KCNJ3: variants seen among roughly 807,000 people sequenced by gnomAD.
KCNJ3 encodes the protein potassium inwardly rectifying channel subfamily J member 3.
In KCNJ3, 4 loss-of-function variants were observed where a neutral mutation model predicts 39.2. That is an observed-to-expected ratio of 0.10 (90% CI 0.05 to 0.23). The LOEUF is 0.23. KCNJ3 is among the 10% of genes least tolerant of loss of function. KCNJ3 has a pLI of 1.00. For missense variants in KCNJ3, 276 were observed against 634.9 expected (o/e 0.43, Z 6.08); for synonymous variants, 230 against 237.4 (o/e 0.97, Z 0.29).
chr2:154,764,325 A>G (rs1686096343), intron 2 of KCNJ3, among the ~76,000 whole-genome samples: 1 of 152,176 alleles, frequency 6.6e-6, no homozygotes, highest in Non-Finnish European at 1.5e-5. Context: ...AGCCTTCAGA[A>G]TCTCATGGCT....
intron 2 of KCNJ3, among the ~76,000 whole-genome samples, chr2:154,726,951 T>C (rs1358651410): frequency 6.6e-6 from 1 of 151,746 alleles, no homozygotes; most frequent in African/African-American, 2.4e-5. Context: ...TTTTACTTAT[T>C]GGGAGCTAAG....
At chr2:154,789,945 T>G (rs1220590942) in intron 2 of KCNJ3, among the ~76,000 whole-genome samples, 1 of 152,070 alleles carries the variant, frequency 6.6e-6, no homozygotes, top group Non-Finnish European at 1.5e-5. Context: ...AATAGGAATA[T>G]GATGTATAAT....
chr2:154,823,298 A>T (rs1473838156), intron 2 of KCNJ3, among the ~76,000 whole-genome samples: 1 of 152,046 alleles, frequency 6.6e-6, no homozygotes, highest in Non-Finnish European at 1.5e-5. Context: ...TGATGTTTTG[A>T]TAGAGAATTA....
rs367827499 is a variant in KCNJ3, at chr2:154,790,307, TA to T, written c.920-64417del. Among the ~76,000 whole-genome samples the T allele has an allele frequency of 1.7e-3, 261 of 152,218 alleles. 1 individual carries two copies. The highest frequency in any genetic ancestry group is 6.0e-3 in the African/African-American group (250 of 41,572). ...ACTTTAGTAATCCGACGCTAGAAAC[TA>T]AATGACTAGGGAAGCAGAGCAGCAG... On this transcript the variant is annotated intron_variant, in intron 2 of 2. Transcript: ENST00000295101.
At chr2:154,786,020 G>T (rs1478077171) in intron 2 of KCNJ3, among the ~76,000 whole-genome samples, 1 of 152,146 alleles carries the variant, frequency 6.6e-6, no homozygotes, top group Non-Finnish European at 1.5e-5. Context: ...TAATGTTAAG[G>T]TGTCAATGTT....
intron 2 of KCNJ3, among the ~76,000 whole-genome samples, chr2:154,794,125 A>G (rs936512493): frequency 6.6e-6 from 1 of 151,926 alleles, no homozygotes; most frequent in East Asian, 1.9e-4. Flanking sequence ...AATATATTCT[A>G]TAATTTTATG....
chr2:154,813,217 G>A (rs1687031082), intron 2 of KCNJ3, among the ~76,000 whole-genome samples: 1 of 152,124 alleles, frequency 6.6e-6, no homozygotes, highest in Non-Finnish European at 1.5e-5. Context: ...CTAGCTTGCA[G>A]TTGTGCTTCA....
intron 2 of KCNJ3, among the ~76,000 whole-genome samples, chr2:154,784,370 A>G (rs1686491556): frequency 6.6e-6 from 1 of 152,154 alleles, no homozygotes; most frequent in African/African-American, 2.4e-5. Context: ...AGAATGAAGG[A>G]CAGCCTATTT....
chr2:154,831,762 G>T (rs1247185539), intron 2 of KCNJ3, among the ~76,000 whole-genome samples: 1 of 152,196 alleles, frequency 6.6e-6, no homozygotes, highest in Non-Finnish European at 1.5e-5. Flanking sequence ...ACATTGCTTT[G>T]ATTACATGTT....
chr2:154,757,450 G>A (rs373707124), intron 2 of KCNJ3, among the ~76,000 whole-genome samples: 1 of 151,944 alleles, frequency 6.6e-6, no homozygotes, highest in Non-Finnish European at 1.5e-5. Context: ...AATTAATTCT[G>A]TGCCCTTTTC....
At chr2:154,757,132 T>C (rs949604281) in intron 2 of KCNJ3, among the ~76,000 whole-genome samples, 3 of 152,142 alleles carry the variant, frequency 2.0e-5, no homozygotes, top group African/African-American at 4.8e-5. Flanking sequence ...GAACAGGACA[T>C]ATATGAGTAG....
chr2:154,785,473 C>T (rs900880002), intron 2 of KCNJ3, among the ~76,000 whole-genome samples: 8 of 152,076 alleles, frequency 5.3e-5, no homozygotes, highest in Non-Finnish European at 1.2e-4. Flanking sequence ...AGAGGTGGGG[C>T]CTTTAAGAGA....
intron 2 of KCNJ3, among the ~76,000 whole-genome samples, chr2:154,828,507 G>A (rs995682457): frequency 3.3e-5 from 5 of 152,162 alleles, no homozygotes; most frequent in Non-Finnish European, 7.4e-5. Flanking sequence ...GTGCTTTGTC[G>A]AGACTGGTCA....
At chr2:154,703,390 C>T (rs991658869) in intron 1 of KCNJ3, among the ~76,000 whole-genome samples, 12 of 151,992 alleles carry the variant, frequency 7.9e-5, no homozygotes, top group Non-Finnish European at 1.6e-4. Flanking sequence ...TTAACTTTCA[C>T]TTGTCAAAAG....
chr2:154,713,609 T>C (rs2105154557), intron 2 of KCNJ3, among the ~76,000 whole-genome samples: 1 of 152,332 alleles, frequency 6.6e-6, no homozygotes, highest in South Asian at 2.1e-4. Context: ...AGACACAGGT[T>C]TGTTGCCCTC....
intron 1 of KCNJ3, among the ~76,000 whole-genome samples, chr2:154,708,120 T>C (rs1322981883): frequency 6.6e-6 from 1 of 150,786 alleles, no homozygotes; most frequent in Non-Finnish European, 1.5e-5. Context: ...TTCATAGCCT[T>C]CTTTTTTCAG....
chr2:154,722,396 G>A (rs11687088), intron 2 of KCNJ3, among the ~76,000 whole-genome samples: 3,188 of 152,220 alleles, frequency 0.021, 44 homozygotes, highest in Non-Finnish European at 0.031. Context: ...TTAAGCTTGG[G>A]AAGAATGAGT....
At chr2:154,837,072 TGTGTAA>T (rs1420881492) in intron 2 of KCNJ3, among the ~76,000 whole-genome samples, 2 of 152,184 alleles carry the variant, frequency 1.3e-5, no homozygotes, top group Admixed American at 6.5e-5. Flanking sequence ...GGATGTCAAG[TGTGTAA>T]GTGTATCAAA....
chr2:154,705,477 CT>C (rs925867118), intron 1 of KCNJ3, among the ~76,000 whole-genome samples: 6 of 152,084 alleles, frequency 3.9e-5, no homozygotes, highest in African/African-American at 1.2e-4. Context: ...CTTTTTCCAC[CT>C]ATAGTCAGAA....
Sources: gnomAD v4.1 joint callset for allele counts (sites outside exome capture counted in the v4.1 genomes callset) on GRCh38, gnomAD v4.1.1 for gene constraint, MANE v1.5 for transcripts, NCBI Gene and HGNC (gene_info 2026-07-23, HGNC 2026-07-21) for gene names.